NPAS3: variants seen among roughly 807,000 people sequenced by gnomAD.
NPAS3 encodes neuronal PAS domain protein 3.
A neutral mutation model predicts 73.1 loss-of-function variants in NPAS3; 14 were observed. That is an observed-to-expected ratio of 0.19 (90% CI 0.13 to 0.30). NPAS3 has a LOEUF of 0.30. Ranked by LOEUF, NPAS3 falls within the 10% of genes least tolerant of loss-of-function variation. The pLI is 1.00. For missense variants in NPAS3, 1,096 were observed against 1,250.0 expected, an observed-to-expected ratio of 0.88 and a Z score of 1.86; for synonymous variants, 620 against 541.5, an observed-to-expected ratio of 1.14 and a Z score of -2.01.
chr14:32,984,007 G>C (rs1279209), intron 1 of NPAS3, among the ~76,000 whole-genome samples: 133,323 of 152,240 alleles, frequency 0.88, 59,157 homozygotes, highest in Non-Finnish European at 0.96. Context: ...CAGGTGTGAG[G>C]CACTGCACCC....
chr14:32,938,189 A>G (rs1321505881), upstream of NPAS3, among the ~76,000 whole-genome samples: 2 of 152,104 alleles, frequency 1.3e-5, no homozygotes, highest in African/African-American at 4.8e-5. Context: ...CAGAGCCACA[A>G]GGTGCTTGTG....
intron 5 of NPAS3, among the ~76,000 whole-genome samples, chr14:33,594,707 C>T (rs1326685725): frequency 3.3e-5 from 5 of 152,152 alleles, no homozygotes; most frequent in South Asian, 2.1e-4. Context: ...ACAGAAGGAC[C>T]GACTGCCTCT....
At chr14:33,388,573 G>T (rs928274425) in intron 4 of NPAS3, among the ~76,000 whole-genome samples, 2 of 152,102 alleles carry the variant, frequency 1.3e-5, no homozygotes, top group Non-Finnish European at 2.9e-5. Flanking sequence ...TGTGGGGAAA[G>T]GTTATATTAA....
intron 2 of NPAS3, among the ~76,000 whole-genome samples, chr14:33,201,045 A>G (rs961525096): frequency 1.1e-4 from 17 of 152,244 alleles, no homozygotes; most frequent in Non-Finnish European, 2.4e-4. Context: ...TCTTACATAT[A>G]TGAATTTTAT....
At chr14:33,208,538 C>G (rs1251115370) in intron 2 of NPAS3, among the ~76,000 whole-genome samples, 1 of 152,152 alleles carries the variant, frequency 6.6e-6, no homozygotes, top group Non-Finnish European at 1.5e-5. Flanking sequence ...CAGAGTATAT[C>G]TTAGTTTAAA....
chr14:33,359,940 A>G (rs2045517414), intron 3 of NPAS3, among the ~76,000 whole-genome samples: 1 of 152,202 alleles, frequency 6.6e-6, no homozygotes, highest in Admixed American at 6.5e-5. Context: ...TTAAACAACA[A>G]CAGAAGCAGT....
chr14:33,590,317 G>A (rs1342185640), intron 5 of NPAS3, among the ~76,000 whole-genome samples: 2 of 152,080 alleles, frequency 1.3e-5, no homozygotes, highest in Non-Finnish European at 2.9e-5. Context: ...ATTTTGTTTT[G>A]TCTTCAGTGG....
At chr14:33,306,417 A>T (rs1432247938) in intron 3 of NPAS3, among the ~76,000 whole-genome samples, 5 of 152,222 alleles carry the variant, frequency 3.3e-5, no homozygotes, top group African/African-American at 1.2e-4. Context: ...CTTGTACCCT[A>T]ATGGCTTGTA....
chr14:33,027,755 A>G (rs2039857251), intron 1 of NPAS3, among the ~76,000 whole-genome samples: 1 of 152,180 alleles, frequency 6.6e-6, no homozygotes, highest in African/African-American at 2.4e-5. Flanking sequence ...GTGAATTTAC[A>G]AGGGGCAGTA....
chr14:33,750,314 C>A (rs923519236), intron 7 of NPAS3, among the ~76,000 whole-genome samples: 1 of 151,166 alleles, frequency 6.6e-6, no homozygotes, highest in Non-Finnish European at 1.5e-5. Flanking sequence ...TCACTGACAT[C>A]AAAAATGAGG....
At chr14:33,619,262 T>G (rs930227751) in intron 5 of NPAS3, among the ~76,000 whole-genome samples, 1 of 152,204 alleles carries the variant, frequency 6.6e-6, no homozygotes, top group Non-Finnish European at 1.5e-5. Flanking sequence ...TTAAATTTCC[T>G]ATGAAATTTA....
intron 3 of NPAS3, among the ~76,000 whole-genome samples, chr14:33,254,011 CA>C (rs1301626756): frequency 6.6e-6 from 1 of 152,118 alleles, no homozygotes; most frequent in Admixed American, 6.6e-5. Context: ...GTTAACCTCA[CA>C]TTCTACTTCT....
At chr14:33,542,230 G>T (rs1228267539) in intron 4 of NPAS3, among the ~76,000 whole-genome samples, 1 of 152,106 alleles carries the variant, frequency 6.6e-6, no homozygotes, top group East Asian at 1.9e-4. Flanking sequence ...GTTTAGGCAG[G>T]GTCTTTCTCA....
At chr14:32,973,483 G>T (rs2037522397) in intron 1 of NPAS3, among the ~76,000 whole-genome samples, 1 of 150,342 alleles carries the variant, frequency 6.7e-6, no homozygotes, top group Admixed American at 6.6e-5. Flanking sequence ...TAGTAAGTTT[G>T]GAATTGCTTG....
At chr14:33,439,851 C>T (rs549212175) in intron 4 of NPAS3, among the ~76,000 whole-genome samples, 1 of 152,026 alleles carries the variant, frequency 6.6e-6, no homozygotes, top group African/African-American at 2.4e-5. Context: ...CGTGGTGGCT[C>T]ACGCCTGTAA....
At chr14:33,347,843 T>C (rs2044820033) in intron 3 of NPAS3, among the ~76,000 whole-genome samples, 1 of 152,216 alleles carries the variant, frequency 6.6e-6, no homozygotes, top group Admixed American at 6.5e-5. Context: ...AGGAAAAGTC[T>C]GTACATGTTT....
chr14:33,779,812 C>T (rs2062925135), intron 9 of NPAS3, among the ~76,000 whole-genome samples: 1 of 152,138 alleles, frequency 6.6e-6, no homozygotes, highest in African/African-American at 2.4e-5. Flanking sequence ...AGAATGTATC[C>T]CCATCATTAA....
intron 3 of NPAS3, among the ~76,000 whole-genome samples, chr14:33,336,799 A>C (rs1313855783): frequency 6.6e-6 from 1 of 152,218 alleles, no homozygotes; most frequent in Non-Finnish European, 1.5e-5. Flanking sequence ...AAGCCATCTT[A>C]GAATTCTGCC....
chr14:33,105,158 A>G (rs2042685937), intron 2 of NPAS3, among the ~76,000 whole-genome samples: 1 of 152,220 alleles, frequency 6.6e-6, no homozygotes. Flanking sequence ...AAATTGGATT[A>G]TAGTCATGTT....
Sources: gnomAD v4.1 joint callset for allele counts (sites outside exome capture counted in the v4.1 genomes callset) on GRCh38, gnomAD v4.1.1 for gene constraint, MANE v1.5 for transcripts, NCBI Gene and HGNC (gene_info 2026-07-23, HGNC 2026-07-21) for gene names.